The following STOX2 variants were observed in gnomAD, a reference collection of about 807,000 sequenced individuals.
The protein encoded by STOX2 is storkhead-box protein 2.
STOX2 carries 28 observed loss-of-function variants against 60.9 expected under a neutral mutation model. The ratio of observed to expected loss-of-function variants is 0.46; its 90% CI spans 0.34 to 0.63. The LOEUF is 0.63. Among genes scored for constraint, STOX2 ranks in the 30% least tolerant of loss-of-function variants. STOX2 has a pLI of 0.01. For missense variants in STOX2, 1,024 were observed against 1,187.7 expected (o/e 0.86, Z 2.03); for synonymous variants, 472 against 463.9 (o/e 1.02, Z -0.22).
intron 1 of STOX2, among the ~76,000 whole-genome samples, chr4:183,993,798 G>A (rs1169280187): frequency 6.6e-6 from 1 of 152,034 alleles, no homozygotes; most frequent in Non-Finnish European, 1.5e-5. Flanking sequence ...ACAAACATTC[G>A]AAAGTCAAGA....
chr4:183,951,020 C>T (rs1743058299), intron 1 of STOX2, among the ~76,000 whole-genome samples: 1 of 151,914 alleles, frequency 6.6e-6, no homozygotes, highest in Non-Finnish European at 1.5e-5. Context: ...TCGAGACCAT[C>T]CTGGCTAACA....
At chr4:183,903,892 A>G (rs1300010403), upstream of STOX2, among the ~76,000 whole-genome samples, 2 of 152,232 alleles carry the variant, frequency 1.3e-5, no homozygotes, top group Non-Finnish European at 2.9e-5. Context: ...ATTTGAGTGC[A>G]TTACATTTAC....
intron 1 of STOX2, among the ~76,000 whole-genome samples, chr4:183,907,427 A>G (rs1741652710): frequency 6.6e-6 from 1 of 152,184 alleles, no homozygotes; most frequent in African/African-American, 2.4e-5. Flanking sequence ...CAGACATCCC[A>G]GGCTGGTCTG....
intron 1 of STOX2, among the ~76,000 whole-genome samples, chr4:183,951,972 G>A (rs771822504): frequency 1.1e-4 from 17 of 151,850 alleles, no homozygotes; most frequent in Non-Finnish European, 1.6e-4. Flanking sequence ...GTGGGTGAGC[G>A]ACTCTCTTCA....
In STOX2 at chr4:184,010,701, G is replaced by A. The variant is rs267600107; in HGVS notation, c.1863G>A (p.Lys621=). 2.5e-6 allele frequency: 4 copies of A among 1,611,406 alleles called. No individual in the cohort carries two copies. Among genetic ancestry groups the A allele is most frequent in the Non-Finnish European group, 3.4e-6 (4 of 1,178,828 alleles). The part of the protein sequence containing the change: ...LTAPSPLGKN[K]EDHDTLTLAE... ...CACCATCACCTCTGGGAAAGAATAAGGAGGACCATGACACTCTGACTTTGG... is the reference window on the plus strand; with the variant it reads ...CACCATCACCTCTGGGAAAGAATAAAGAGGACCATGACACTCTGACTTTGG... Residue 621 remains lysine (K), a synonymous_variant, in exon 3 of 4, where the codon AAG becomes AAA. Coordinates refer to ENST00000308497, the MANE Select transcript of STOX2 (RefSeq NM_020225.3). This position sits in a 1 kb window ranked among gnomAD's most constrained non-coding sequence, Gnocchi z 4.5.
intron 1 of STOX2, among the ~76,000 whole-genome samples, chr4:183,949,583 A>G (rs1430632601): frequency 6.6e-6 from 1 of 152,150 alleles, no homozygotes; most frequent in Admixed American, 6.5e-5. Flanking sequence ...CTGTAATCCC[A>G]GCTACTCAGG....
intron 1 of STOX2, among the ~76,000 whole-genome samples, chr4:183,841,195 T>C (rs925947480): frequency 1.0e-3 from 155 of 149,706 alleles, no homozygotes; most frequent in Non-Finnish European, 1.6e-3. Flanking sequence ...ATTTATTTAT[T>C]TATTTATTTA....
At position 183,865,019 on chromosome 4, in the gene STOX2, G is replaced by A. The variant is rs1740532257; in HGVS notation, c.364+66964G>A. 6.6e-6 allele frequency among the ~76,000 whole-genome samples: 1 copy of A among 152,102 alleles called. No homozygotes were observed. The highest frequency in any genetic ancestry group is 2.1e-4 in the South Asian group (1 of 4,816). On this transcript the variant is annotated intron_variant, in intron 1 of 2. Coordinates refer to the STOX2 transcript ENST00000513034. This position sits in a 1 kb window ranked among gnomAD's most constrained non-coding sequence, Gnocchi z 4.1. Reference sequence around the variant, plus strand: ...AAAGATCACAGTTCTCCAAATCCCAGTTACCCTGGGAACACCTTCCTGACC... The same window carrying A: ...AAAGATCACAGTTCTCCAAATCCCAATTACCCTGGGAACACCTTCCTGACC...
intron 1 of STOX2, among the ~76,000 whole-genome samples, chr4:183,878,319 G>T (rs1560859786): frequency 6.6e-6 from 1 of 152,182 alleles, no homozygotes; most frequent in Non-Finnish European, 1.5e-5. Flanking sequence ...GCCTTGTAAT[G>T]CTGCTCCAAG....
At position 183,798,495 on chromosome 4, in the gene STOX2, C is replaced by G. The variant is rs1469473402; in HGVS notation, c.364+440C>G. The G allele has an allele frequency of 1.3e-5, 5 of 391,988 alleles. No individual in the cohort carries two copies. The South Asian group carries it at 3.1e-4, about 24-fold the overall frequency. The allele number at this position is 391,988 out of a possible 1,614,324, so 24.3% of individuals were successfully genotyped here. A position where few individuals can be genotyped will look rare whatever the true frequency, so the allele number is the denominator to read the frequency against. On this transcript the variant is annotated intron_variant, in intron 1 of 2. Transcript: ENST00000513034. Reference sequence around the variant, plus strand: ...GGTCGCGCGGGGCTCCCAGCTGGAGCGGCGGCTCAGGTGCGCCCGGGACGC... The same window carrying G: ...GGTCGCGCGGGGCTCCCAGCTGGAGGGGCGGCTCAGGTGCGCCCGGGACGC...
At chr4:183,815,744 AAC>A (rs1055754114) in intron 1 of STOX2, among the ~76,000 whole-genome samples, 6 of 152,330 alleles carry the variant, frequency 3.9e-5, no homozygotes, top group African/African-American at 1.4e-4. Context: ...TGGGTAGGTA[AAC>A]ACGAGATCTT....
rs780460405 is a variant in STOX2, at chr4:184,001,488, G to A, written c.319+11G>A. ...CCACGTGCTTCCCAGGTAACGAGGCGGGAACGTAGCACTTTCCAGGTGGCG... is the reference window on the plus strand; with the variant it reads ...CCACGTGCTTCCCAGGTAACGAGGCAGGAACGTAGCACTTTCCAGGTGGCG... On this transcript the variant is annotated intron_variant, in intron 2 of 3. Transcript: ENST00000308497. This position sits in a 1 kb window ranked among gnomAD's most constrained non-coding sequence, Gnocchi z 4.2. 8.7e-6 allele frequency: 14 copies of A among 1,612,902 alleles called. No homozygotes were observed. The highest frequency in any genetic ancestry group is 5.5e-5 in the South Asian group (5 of 90,932).
rs1734612782 is a variant in STOX2 at position 184,022,046 on chromosome 4, A to C, written c.*4762A>C. On this transcript the variant is annotated 3_prime_UTR_variant, in exon 4 of 4. Coordinates refer to ENST00000308497, the MANE Select transcript of STOX2 (RefSeq NM_020225.3). The stretch of plus-strand genomic sequence containing the variant: ...GGGGAGCTAGAACACAGGAAACATG[A>C]ATGCAAAAGGCATGGAAAACACTGT... 6.6e-6 allele frequency: 1 copy of C among 152,182 alleles called. No homozygotes were observed. The highest frequency in any genetic ancestry group is 2.4e-5 in the African/African-American group (1 of 41,438). 9.4% of individuals were successfully genotyped at this position (152,182 alleles called of 1,614,324 possible). A position where few individuals can be genotyped will look rare whatever the true frequency, so the allele number is the denominator to read the frequency against.
At chr4:184,007,021 A>G (rs1349305298) in intron 2 of STOX2, among the ~76,000 whole-genome samples, 6 of 125,774 alleles carry the variant, frequency 4.8e-5, no homozygotes, top group African/African-American at 2.2e-4. Context: ...GTCTCAAAAA[A>G]AAAAAAAAAA....
chr4:183,983,419 C>A (rs895260548), intron 1 of STOX2, among the ~76,000 whole-genome samples: 2 of 152,214 alleles, frequency 1.3e-5, no homozygotes, highest in Admixed American at 6.5e-5. Flanking sequence ...TAGGATCTCA[C>A]GTGCTGTGTT....
intron 1 of STOX2, among the ~76,000 whole-genome samples, chr4:183,946,004 A>G (rs771371289): frequency 1.9e-4 from 29 of 152,216 alleles, no homozygotes; most frequent in Non-Finnish European, 3.1e-4. Context: ...AAAGGGAACA[A>G]TTTAACATAT....
chr4:183,834,293 G>A (rs1739649484), intron 1 of STOX2, among the ~76,000 whole-genome samples: 2 of 152,122 alleles, frequency 1.3e-5, no homozygotes, highest in South Asian at 2.1e-4. Context: ...CACACAGACC[G>A]TTTTGGATCT....
rs928191651 is a variant in STOX2 at position 184,020,680 on chromosome 4, A to G, written c.*3396A>G. 9.0e-6 allele frequency: 1 copy of G among 110,654 alleles called. No homozygotes were observed. The highest frequency in any genetic ancestry group is 3.3e-4 in the South Asian group (1 of 3,074). The allele number at this position is 110,654 out of a possible 1,614,324, so 6.9% of individuals were successfully genotyped here. On this transcript the variant is annotated 3_prime_UTR_variant, in exon 4 of 4. Coordinates refer to ENST00000308497, the MANE Select transcript of STOX2 (RefSeq NM_020225.3). The stretch of plus-strand genomic sequence containing the variant: ...CTCAGGGGACCATAATGAACATATG[A>G]AAGGGGGGGGGGTGCCATCAAATAG...
intron 1 of STOX2, among the ~76,000 whole-genome samples, chr4:183,880,167 A>G (rs1740926506): frequency 1.3e-5 from 2 of 151,954 alleles, no homozygotes; most frequent in Non-Finnish European, 2.9e-5. Context: ...TTTTAAGTAG[A>G]GACGGGGTAT....
Sources: allele counts gnomAD v4.1 joint callset (sites outside exome capture counted in the v4.1 genomes callset), GRCh38; gene constraint gnomAD v4.1.1; non-coding constraint Gnocchi (gnomAD v3.1); transcripts MANE v1.5; gene names NCBI Gene and HGNC (gene_info 2026-07-23, HGNC 2026-07-21).